KCNG2: variants seen among roughly 807,000 people sequenced by gnomAD.
KCNG2 encodes the protein potassium voltage-gated channel modifier subfamily G member 2, also known as voltage-gated potassium channel regulatory subunit KCNG2.
In KCNG2, 7 loss-of-function variants were observed where a neutral mutation model predicts 12.3. The observed-to-expected ratio is 0.57, with a 90% CI of 0.32 to 1.07. KCNG2 has a LOEUF of 1.07. KCNG2 is among the 50% of genes least tolerant of loss of function. The pLI, the probability that KCNG2 is intolerant of heterozygous loss-of-function variation, is 0.04. For synonymous variants in KCNG2, 414 were observed against 351.4 expected, an observed-to-expected ratio of 1.18 and a Z score of -1.99; for missense variants, 703 against 726.0, an observed-to-expected ratio of 0.97 and a Z score of 0.36.
chr18:79,858,037 G>A (rs1227629041), intron 2 of KCNG2, among the ~76,000 whole-genome samples: 1 of 152,076 alleles, frequency 6.6e-6, no homozygotes, highest in Non-Finnish European at 1.5e-5. Context: ...GTCTCGCTCT[G>A]TCTCCCAGGC....
At chr18:79,853,727 T>C (rs1978906300) in intron 1 of KCNG2, among the ~76,000 whole-genome samples, 1 of 152,248 alleles carries the variant, frequency 6.6e-6, no homozygotes, top group African/African-American at 2.4e-5. Context: ...CCAAGGACTC[T>C]GGCGGAAGGC....
intron 3 of KCNG2, among the ~76,000 whole-genome samples, chr18:79,894,968 C>G (rs867410458): frequency 4.0e-4 from 50 of 126,462 alleles, no homozygotes; most frequent in Non-Finnish European, 5.9e-4. Context: ...AGTGGGGTCT[C>G]TGTCTGCTTT....
At chr18:79,845,351 A>T (rs1057184339) in intron 1 of KCNG2, among the ~76,000 whole-genome samples, 7 of 152,216 alleles carry the variant, frequency 4.6e-5, no homozygotes, top group Non-Finnish European at 1.0e-4. Flanking sequence ...GGATGTGTCC[A>T]TGTCGGCGTC....
At chr18:79,883,728 T>C (rs1455916597) in intron 3 of KCNG2, among the ~76,000 whole-genome samples, 1 of 152,228 alleles carries the variant, frequency 6.6e-6, no homozygotes. Context: ...GATGTGCTTA[T>C]ATGTCTTAGA....
chr18:79,866,329 TGAGGTCTGTGTGCTGA>T (rs1979542551), intron 3 of KCNG2, among the ~76,000 whole-genome samples: 3 of 121,068 alleles, frequency 2.5e-5, no homozygotes, highest in Non-Finnish European at 5.0e-5. Context: ...GTCTGGGTGC[TGAGGTCTGTGTGCTGA>T]GAGGTCTGTG....
intron 2 of KCNG2, among the ~76,000 whole-genome samples, chr18:79,860,479 G>A (rs895294699): frequency 6.6e-6 from 1 of 152,158 alleles, no homozygotes; most frequent in Non-Finnish European, 1.5e-5. Flanking sequence ...AGTTTTCAGT[G>A]TAGGTTTCAG....
intron 3 of KCNG2, among the ~76,000 whole-genome samples, chr18:79,890,067 T>C (rs1445244275): frequency 6.6e-6 from 1 of 152,204 alleles, no homozygotes; most frequent in African/African-American, 2.4e-5. Context: ...TTGGGATAAA[T>C]CCCACTCAGT....
rs187100125 is a variant in KCNG2, at chr18:79,880,272, G to A, written c.624+15981G>A. The stretch of plus-strand genomic sequence containing the variant: ...TTTGAATATCACATGAGCCAAGATC[G>A]CGCCACTGCCCTCCAGCCTGGGTGA... On this transcript the variant is annotated intron_variant, in intron 3 of 3. Coordinates refer to ENST00000316249, the MANE Select transcript of KCNG2 (RefSeq NM_012283.2). 1.5e-4 allele frequency among the ~76,000 whole-genome samples: 21 copies of A among 144,544 alleles called. 1 individual carries two copies. Among genetic ancestry groups the A allele is most frequent in the Admixed American group, 6.4e-4 (9 of 14,016 alleles). 94.8% of individuals were successfully genotyped at this position (144,544 alleles called of 152,430 possible).
At chr18:79,887,991 G>A (rs1481389000) in intron 3 of KCNG2, among the ~76,000 whole-genome samples, 2 of 152,206 alleles carry the variant, frequency 1.3e-5, no homozygotes, top group Admixed American at 6.5e-5. Context: ...GGAGACAGAT[G>A]GTGAAGGCCA....
chr18:79,864,412 G>C (rs1979373436), intron 3 of KCNG2, 121 bp downstream of exon 3: 1 of 930,728 alleles, frequency 1.1e-6, no homozygotes, highest in Admixed American at 4.8e-5. Context: ...CCTAGGACCG[G>C]GCTGGGGGCT....
intron 3 of KCNG2, among the ~76,000 whole-genome samples, chr18:79,870,987 C>T (rs866457759): frequency 6.6e-6 from 1 of 152,126 alleles, no homozygotes; most frequent in Non-Finnish European, 1.5e-5. Context: ...ACGCTGCAGT[C>T]AGCACACCTG....
At chr18:79,890,622 A>G (rs1434469033) in intron 3 of KCNG2, among the ~76,000 whole-genome samples, 1 of 152,246 alleles carries the variant, frequency 6.6e-6, no homozygotes, top group Admixed American at 6.5e-5. Context: ...CTCCAGCTGC[A>G]GAGGACAAGA....
chr18:79,852,842 C>T (rs1568256341), intron 1 of KCNG2, among the ~76,000 whole-genome samples: 2 of 152,292 alleles, frequency 1.3e-5, no homozygotes, highest in African/African-American at 2.4e-5. Flanking sequence ...GAGGACGGGC[C>T]TCCTGCCCAG....
At chr18:79,846,421 AAAAG>A (rs1180914619) in intron 1 of KCNG2, among the ~76,000 whole-genome samples, 2 of 151,880 alleles carry the variant, frequency 1.3e-5, no homozygotes, top group African/African-American at 2.4e-5. Context: ...TCAGAAAAAA[AAAAG>A]AAAGAAAATA....
At chr18:79,873,071 G>A (rs1010969678) in intron 3 of KCNG2, among the ~76,000 whole-genome samples, 3 of 152,182 alleles carry the variant, frequency 2.0e-5, no homozygotes, top group Non-Finnish European at 4.4e-5. Flanking sequence ...TAGCTCTGCC[G>A]GTTGGGCCTG....
At chr18:79,843,782 C>T (rs779267892) in intron 1 of KCNG2, among the ~76,000 whole-genome samples, 2 of 152,022 alleles carry the variant, frequency 1.3e-5, no homozygotes, top group Admixed American at 6.6e-5. Flanking sequence ...AAAATTATCG[C>T]ATCACAAAGA....
intron 3 of KCNG2, among the ~76,000 whole-genome samples, chr18:79,889,055 T>C (rs1263774688): frequency 1.3e-5 from 2 of 152,216 alleles, no homozygotes; most frequent in Non-Finnish European, 2.9e-5. Flanking sequence ...TGGATGCAAG[T>C]CCCTTATCAA....
intron 2 of KCNG2, among the ~76,000 whole-genome samples, chr18:79,858,483 GGTT>G (rs1359296275): frequency 2.0e-5 from 3 of 152,146 alleles, no homozygotes; most frequent in Non-Finnish European, 4.4e-5. Context: ...ATGGAATTTG[GGTT>G]GTTTTCAGTT....
intron 1 of KCNG2, among the ~76,000 whole-genome samples, chr18:79,842,914 GA>G (rs1978507002): frequency 6.6e-6 from 1 of 152,040 alleles, no homozygotes; most frequent in Non-Finnish European, 1.5e-5. Flanking sequence ...AGTGGAGAAT[GA>G]AAAAGGGGAA....
Sources: gnomAD v4.1 joint callset for allele counts (sites outside exome capture counted in the v4.1 genomes callset) on GRCh38, gnomAD v4.1.1 for gene constraint, MANE v1.5 for transcripts, NCBI Gene and HGNC (gene_info 2026-07-23, HGNC 2026-07-21) for gene names.